Variants in LSAMP observed in about 807,000 individuals in gnomAD.
LSAMP encodes limbic system associated membrane protein.
In LSAMP, 7 loss-of-function variants were observed where a neutral mutation model predicts 38.6. The observed-to-expected ratio is 0.18, with a 90% CI of 0.10 to 0.34. The LOEUF (loss-of-function observed/expected upper bound fraction) is 0.34. Ranked by LOEUF, LSAMP falls within the 10% of genes least tolerant of loss-of-function variation. The probability of loss-of-function intolerance (pLI) is 1.00; values close to 1 mark genes in which losing one functional copy is unlikely to be tolerated. For missense variants in LSAMP, 313 were observed against 420.0 expected (o/e 0.75, Z 2.23); for synonymous variants, 154 against 166.8 (o/e 0.92, Z 0.59).
At chr3:116,032,842 T>A (rs1427262467) in intron 2 of LSAMP, among the ~76,000 whole-genome samples, 1 of 151,970 alleles carries the variant, frequency 6.6e-6, no homozygotes, top group Non-Finnish European at 1.5e-5. Flanking sequence ...AATTGATAAC[T>A]GACAAATTAG....
At chr3:115,843,666 G>A (rs1178878590) in intron 4 of LSAMP, among the ~76,000 whole-genome samples, 1 of 150,838 alleles carries the variant, frequency 6.6e-6, no homozygotes, top group Non-Finnish European at 1.5e-5. Context: ...TCAGCACCTG[G>A]TCTATATTCC....
rs35890184 is a variant in LSAMP at position 116,333,533 on chromosome 3, CAA to C, written c.155+111342_155+111343del. ...TGGGTGACAGAACAAGGTTCCATCT[CAA>C]AAAAAAAAAAAAAAAAGATATCATA... On this transcript the variant is annotated intron_variant, in intron 1 of 6. Transcript: ENST00000490035. Among the ~76,000 whole-genome samples, 61 of 85,572 alleles carry C rather than the reference CAA, an allele frequency of 7.1e-4. 1 individual carries two copies. Among genetic ancestry groups the C allele is most frequent in the African/African-American group, 1.2e-3 (35 of 28,922 alleles). The allele number at this position is 85,572 out of a possible 152,430, so 56.1% of individuals were successfully genotyped here.
chr3:116,343,568 G>A (rs184132582), intron 1 of LSAMP, among the ~76,000 whole-genome samples: 2 of 152,120 alleles, frequency 1.3e-5, no homozygotes, highest in Non-Finnish European at 2.9e-5. Flanking sequence ...AATGCATCAT[G>A]CCATGTATAA....
At chr3:116,041,451 T>C (rs916516554) in intron 2 of LSAMP, among the ~76,000 whole-genome samples, 1 of 152,024 alleles carries the variant, frequency 6.6e-6, no homozygotes, top group African/African-American at 2.4e-5. Context: ...CCTCTGAATT[T>C]AGGCAGACAA....
intron 1 of LSAMP, among the ~76,000 whole-genome samples, chr3:116,263,082 T>A (rs1337858880): frequency 3.3e-5 from 5 of 152,216 alleles, no homozygotes; most frequent in Non-Finnish European, 7.3e-5. Context: ...TCAAAGGGAA[T>A]ATAACACTAT....
intron 3 of LSAMP, among the ~76,000 whole-genome samples, chr3:115,966,451 C>T (rs918547416): frequency 6.6e-6 from 1 of 152,114 alleles, no homozygotes; most frequent in African/African-American, 2.4e-5. Flanking sequence ...ACCAATATAA[C>T]CACATTAGAA....
intron 1 of LSAMP, among the ~76,000 whole-genome samples, chr3:116,282,902 C>T (rs755027466): frequency 6.6e-6 from 1 of 152,100 alleles, no homozygotes; most frequent in Non-Finnish European, 1.5e-5. Context: ...GTGTCCTTCT[C>T]AGGGCCTTAC....
intron 3 of LSAMP, among the ~76,000 whole-genome samples, chr3:115,924,476 C>A (rs1452956587): frequency 2.0e-5 from 3 of 152,072 alleles, no homozygotes; most frequent in African/African-American, 7.2e-5. Flanking sequence ...TTGGAAGGGA[C>A]CTTAAATATT....
At chr3:115,945,045 C>G (rs866678491) in intron 3 of LSAMP, among the ~76,000 whole-genome samples, 18 of 152,200 alleles carry the variant, frequency 1.2e-4, no homozygotes, top group South Asian at 6.2e-4. Context: ...TTACATCCCT[C>G]TAACCAGATA....
chr3:116,369,059 T>C (rs2048395252), intron 1 of LSAMP, among the ~76,000 whole-genome samples: 1 of 152,022 alleles, frequency 6.6e-6, no homozygotes, highest in East Asian at 1.9e-4. Flanking sequence ...ACCTAATGTG[T>C]AGAAATTATA....
chr3:116,033,770 T>C (rs1288130984), intron 2 of LSAMP, among the ~76,000 whole-genome samples: 1 of 152,102 alleles, frequency 6.6e-6, no homozygotes, highest in East Asian at 1.9e-4. Flanking sequence ...ACTGGAACTC[T>C]GGGTTCATAT....
At chr3:116,365,689 A>G (rs2048341185) in intron 1 of LSAMP, among the ~76,000 whole-genome samples, 1 of 83,660 alleles carries the variant, frequency 1.2e-5, no homozygotes, top group Non-Finnish European at 2.1e-5. Flanking sequence ...AGCCATAAAA[A>G]ATGATGAGTT....
At chr3:116,248,855 A>G (rs1224652858) in intron 1 of LSAMP, among the ~76,000 whole-genome samples, 1 of 152,142 alleles carries the variant, frequency 6.6e-6, no homozygotes, top group Non-Finnish European at 1.5e-5. Flanking sequence ...GTTCATTAAA[A>G]TGGACTAAAC....
At chr3:116,037,648 C>G (rs1941076041) in intron 2 of LSAMP, among the ~76,000 whole-genome samples, 1 of 152,096 alleles carries the variant, frequency 6.6e-6, no homozygotes, top group Non-Finnish European at 1.5e-5. Flanking sequence ...ATCTTCTTCT[C>G]AGAAAGCACA....
chr3:116,158,281 T>C (rs1709803871), intron 1 of LSAMP, among the ~76,000 whole-genome samples: 1 of 151,996 alleles, frequency 6.6e-6, no homozygotes, highest in Non-Finnish European at 1.5e-5. Flanking sequence ...AGCAACACCT[T>C]TGAAAACCAA....
At chr3:115,984,474 A>G (rs1939454815) in intron 3 of LSAMP, among the ~76,000 whole-genome samples, 1 of 152,204 alleles carries the variant, frequency 6.6e-6, no homozygotes, top group Non-Finnish European at 1.5e-5. Context: ...AGAGTCTACT[A>G]TAGGTACAAA....
chr3:116,244,786 G>A (rs967922296), intron 1 of LSAMP, among the ~76,000 whole-genome samples: 4 of 152,116 alleles, frequency 2.6e-5, no homozygotes, highest in African/African-American at 9.7e-5. Flanking sequence ...TTGAATAAAT[G>A]GGCAATGACC....
intron 1 of LSAMP, among the ~76,000 whole-genome samples, chr3:116,290,498 G>A (rs531745286): frequency 7.9e-5 from 12 of 151,990 alleles, no homozygotes; most frequent in South Asian, 2.1e-4. Flanking sequence ...TTGGGAGGCC[G>A]AGGCAGGCAG....
chr3:116,239,102 T>G (rs1371297624), intron 1 of LSAMP, among the ~76,000 whole-genome samples: 1 of 152,194 alleles, frequency 6.6e-6, no homozygotes, highest in East Asian at 1.9e-4. Context: ...TCACCTGTGA[T>G]AGTCTAAGCC....
Sources: allele counts gnomAD v4.1 joint callset (sites outside exome capture counted in the v4.1 genomes callset), GRCh38; gene constraint gnomAD v4.1.1; transcripts MANE v1.5; gene names NCBI Gene and HGNC (gene_info 2026-07-23, HGNC 2026-07-21).